Variants in RNF130 observed in about 807,000 individuals in gnomAD.
RNF130 encodes the protein ring finger protein 130.
In RNF130, 21 loss-of-function variants were observed where a neutral mutation model predicts 44.6. That is an observed-to-expected ratio of 0.47 (90% CI 0.33 to 0.68). RNF130 has a LOEUF of 0.68. Among genes scored for constraint, RNF130 ranks in the 30% least tolerant of loss-of-function variants. The pLI is 0.02. For synonymous variants in RNF130, 214 were observed against 210.4 expected (o/e 1.02, Z -0.15); for missense variants, 479 against 560.6 (o/e 0.85, Z 1.47).
intron 2 of RNF130, among the ~76,000 whole-genome samples, chr5:180,034,390 A>G (rs1764202337): frequency 6.6e-6 from 1 of 152,200 alleles, no homozygotes; most frequent in East Asian, 1.9e-4. Context: ...GCTCCACAGA[A>G]TAAGTTGAGA....
chr5:179,971,876 C>T (rs1489972729), intron 5 of RNF130, among the ~76,000 whole-genome samples: 1 of 152,208 alleles, frequency 6.6e-6, no homozygotes, highest in South Asian at 2.1e-4. Context: ...AATATACACA[C>T]ACGTCTGCCT....
intron 2 of RNF130, among the ~76,000 whole-genome samples, chr5:180,029,942 G>C (rs1764089857): frequency 6.6e-6 from 1 of 151,194 alleles, no homozygotes; most frequent in Non-Finnish European, 1.5e-5. Flanking sequence ...TCTGCCTCCT[G>C]GGTTCAAGGA....
intron 4 of RNF130, among the ~76,000 whole-genome samples, chr5:179,978,762 G>A (rs1762768086): frequency 6.6e-6 from 1 of 152,156 alleles, no homozygotes; most frequent in Non-Finnish European, 1.5e-5. Context: ...CCCCAAGAAT[G>A]GGAGCTGTGA....
intron 7 of RNF130, among the ~76,000 whole-genome samples, chr5:179,947,023 G>A (rs1482650552): frequency 6.6e-6 from 1 of 152,156 alleles, no homozygotes; most frequent in Non-Finnish European, 1.5e-5. Flanking sequence ...CCCTGAGGAT[G>A]CACTGTTGAG....
At chr5:180,004,739 T>C (rs971875885) in intron 3 of RNF130, among the ~76,000 whole-genome samples, 2 of 152,258 alleles carry the variant, frequency 1.3e-5, no homozygotes, top group Non-Finnish European at 2.9e-5. Context: ...ATAGGTCACT[T>C]TGATGAAATT....
rs1554100040 is a variant in RNF130, at chr5:179,933,398, T to TTGTTTGTGTGTGTGTGTG, written c.1151-12973_1151-12972insCACACACACACACAAACA. ...ACTAACAATGTTCTCATAACCCTAT[T>TTGTTTGTGTGTGTGTGTG]TGTGTGTGTGTGTGTGTGTGTGTGA... is the stretch of plus-strand genomic sequence containing the variant. On this transcript the variant is annotated intron_variant, in intron 7 of 7. Transcript: ENST00000522208. Among the ~76,000 whole-genome samples, 551 of 143,498 alleles carry TTGTTTGTGTGTGTGTGTG rather than the reference T, an allele frequency of 3.8e-3. 3 individuals carry two copies. The highest frequency in any genetic ancestry group is 0.014 in the African/African-American group (531 of 38,372). The allele number at this position is 143,498 out of a possible 152,430, so 94.1% of individuals were successfully genotyped here.
intron 1 of RNF130, among the ~76,000 whole-genome samples, chr5:180,057,947 G>C (rs555000713): frequency 6.6e-6 from 1 of 152,154 alleles, no homozygotes; most frequent in Non-Finnish European, 1.5e-5. Flanking sequence ...TGTGGGACTA[G>C]GCCCTTTACC....
intron 1 of RNF130, among the ~76,000 whole-genome samples, chr5:180,051,459 G>A (rs531771606): frequency 1.4e-3 from 212 of 151,802 alleles, no homozygotes; most frequent in Middle Eastern, 6.8e-3. Flanking sequence ...CCATGGTCTC[G>A]ATCTCCTGAC....
intron 2 of RNF130, among the ~76,000 whole-genome samples, chr5:180,029,937 C>T (rs942616218): frequency 1.3e-5 from 2 of 151,878 alleles, no homozygotes; most frequent in Non-Finnish European, 2.9e-5. Flanking sequence ...AAACCTCTGC[C>T]TCCTGGGTTC....
chr5:179,984,014 G>A (rs544243076), intron 3 of RNF130, among the ~76,000 whole-genome samples: 1 of 152,242 alleles, frequency 6.6e-6, no homozygotes, highest in Non-Finnish European at 1.5e-5. Flanking sequence ...CTCACAAGTA[G>A]CTGGAACTAC....
At chr5:179,946,577 G>A (rs931206775) in intron 7 of RNF130, among the ~76,000 whole-genome samples, 17 of 146,662 alleles carry the variant, frequency 1.2e-4, no homozygotes, top group Admixed American at 5.4e-4. Flanking sequence ...TTTTTGAGAC[G>A]GAGTCTCGCT....
At chr5:179,948,692 G>GAA (rs954268588) in intron 7 of RNF130, among the ~76,000 whole-genome samples, 2 of 152,000 alleles carry the variant, frequency 1.3e-5, no homozygotes, top group East Asian at 1.9e-4. Context: ...GAGAGAGAGA[G>GAA]AAAAAAAGAG....
In RNF130 at chr5:180,015,859, C is replaced by T. The variant is rs181749587; in HGVS notation, c.443-2548G>A. Among the ~76,000 whole-genome samples, 70 of 152,228 alleles carry T rather than the reference C, an allele frequency of 4.6e-4. 1 individual carries two copies. The highest frequency in any genetic ancestry group is 2.1e-4 in the South Asian group (1 of 4,818). Reference sequence around the variant, plus strand: ...AAATAAGAACACCAACTAATTTCAACGGGAAAGCTGTTTGGGAAAAGAAGT... The same window carrying T: ...AAATAAGAACACCAACTAATTTCAATGGGAAAGCTGTTTGGGAAAAGAAGT... On this transcript the variant is annotated intron_variant, in intron 2 of 8. Transcript: ENST00000521389.
intron 5 of RNF130, among the ~76,000 whole-genome samples, chr5:179,972,655 A>C (rs181780623): frequency 6.7e-4 from 101 of 151,678 alleles, no homozygotes; most frequent in Non-Finnish European, 1.5e-4. Flanking sequence ...CCGCAGCACC[A>C]CCTGGGGGGA....
intron 3 of RNF130, among the ~76,000 whole-genome samples, chr5:180,004,261 C>T (rs1317001976): frequency 1.3e-5 from 2 of 152,166 alleles, no homozygotes; most frequent in African/African-American, 2.4e-5. Flanking sequence ...TCCCGTAATA[C>T]GCTACCCACT....
chr5:180,006,158 T>A (rs1763458829), intron 3 of RNF130, among the ~76,000 whole-genome samples: 1 of 152,144 alleles, frequency 6.6e-6, no homozygotes, highest in Non-Finnish European at 1.5e-5. Flanking sequence ...GAATTGTTAA[T>A]CCTTAAGAAA....
intron 7 of RNF130, among the ~76,000 whole-genome samples, chr5:179,941,443 C>T (rs1761967727): frequency 6.6e-6 from 1 of 152,180 alleles, no homozygotes; most frequent in African/African-American, 2.4e-5. Context: ...GGCTGTAGCC[C>T]TTTGGGGATC....
intron 7 of RNF130, chr5:179,964,171 C>T (rs1762391456): frequency 1.3e-5 from 2 of 152,590 alleles, no homozygotes; most frequent in South Asian, 4.1e-4. Context: ...TCTTCCCAAC[C>T]CCTGCCGAGG....
At chr5:180,021,090 CA>C (rs1423925620) in intron 2 of RNF130, among the ~76,000 whole-genome samples, 3 of 150,900 alleles carry the variant, frequency 2.0e-5, no homozygotes, top group African/African-American at 7.3e-5. Flanking sequence ...CTCAGCCTTC[CA>C]AGTAGCTGCA....
Sources: allele counts gnomAD v4.1 joint callset (sites outside exome capture counted in the v4.1 genomes callset), GRCh38; gene constraint gnomAD v4.1.1; transcripts MANE v1.5; gene names NCBI Gene and HGNC (gene_info 2026-07-23, HGNC 2026-07-21).